ROR2: variants seen among roughly 807,000 people sequenced by gnomAD.
ROR2 encodes ROR family WNT receptor 2, also known as tyrosine-protein kinase transmembrane receptor ROR2.
ROR2 carries 33 observed loss-of-function variants against 74.9 expected under a neutral mutation model. That is an observed-to-expected ratio of 0.44 (90% CI 0.33 to 0.59). The LOEUF is 0.59. Among genes scored for constraint, ROR2 ranks in the 20% least tolerant of loss-of-function variants. ROR2 has a pLI of 0.02. For missense variants in ROR2, 1,216 were observed against 1,313.8 expected (o/e 0.93, Z 1.15); for synonymous variants, 586 against 558.7 (o/e 1.05, Z -0.69).
chr9:91,778,712 C>CT (rs1356144169), intron 1 of ROR2, among the ~76,000 whole-genome samples: 4 of 152,116 alleles, frequency 2.6e-5, no homozygotes, highest in Non-Finnish European at 5.9e-5. Flanking sequence ...TAAGTGTGCC[C>CT]TACATGACCA....
At chr9:91,738,894 T>C (rs1825126336) in intron 4 of ROR2, among the ~76,000 whole-genome samples, 1 of 152,220 alleles carries the variant, frequency 6.6e-6, no homozygotes, top group African/African-American at 2.4e-5. Context: ...GAGTTTGTGC[T>C]GAATTATTTT....
intron 1 of ROR2, among the ~76,000 whole-genome samples, chr9:91,862,844 G>T (rs1829511738): frequency 6.6e-6 from 1 of 152,188 alleles, no homozygotes; most frequent in Non-Finnish European, 1.5e-5. Flanking sequence ...TTTTGTTATG[G>T]CAGCCCAAGC....
chr9:91,924,849 TTG>T (rs1831356506), intron 1 of ROR2, among the ~76,000 whole-genome samples: 1 of 152,140 alleles, frequency 6.6e-6, no homozygotes, highest in African/African-American at 2.4e-5. Flanking sequence ...TTTGTTTTGT[TTG>T]TGTGTTTGTT....
chr9:91,784,317 TG>T (rs2118974254), intron 1 of ROR2, among the ~76,000 whole-genome samples: 1 of 152,302 alleles, frequency 6.6e-6, no homozygotes, highest in African/African-American at 2.4e-5. Context: ...TAACATGCTG[TG>T]GGCGACTGCA....
rs1012137867 is a variant in ROR2, at chr9:91,755,531, C to T, written c.494+540G>A. Reference sequence around the variant, plus strand: ...CAGCCTGGCCACAGTGGAATAACCTCGTACTGGGAAACCAGAGGCCTGAGT... The same window carrying T: ...CAGCCTGGCCACAGTGGAATAACCTTGTACTGGGAAACCAGAGGCCTGAGT... On this transcript the variant is annotated intron_variant, in intron 4 of 8. Transcript: ENST00000375708. Among the ~76,000 whole-genome samples, 24 of 152,238 alleles carry T rather than the reference C, an allele frequency of 1.6e-4. 1 individual carries two copies. Among genetic ancestry groups the T allele is most frequent in the Admixed American group, 6.5e-4 (10 of 15,288 alleles).
intron 1 of ROR2, among the ~76,000 whole-genome samples, chr9:91,867,088 G>A (rs1223667158): frequency 6.6e-6 from 1 of 152,190 alleles, no homozygotes; most frequent in East Asian, 1.9e-4. Context: ...TATAAAACCT[G>A]GAACGAATAG....
Position 91,724,535 on chromosome 9 carries a change from C to T in ROR2, c.1959G>A (p.Leu653=), listed in dbSNP as rs144549032. The change falls in exon 9 of 9, where the codon CTG becomes CTA. Residue 653 remains leucine (L), a synonymous_variant. Transcript: ENST00000375708. ...ADYYKLLGNS[L]LPIRWMAPEA... is the part of the protein sequence containing the mutation. ...CTGGGGCCATCCAGCGGATAGGCAGCAGCGAGTTCCCCAGCAGCTTGTAGT... is the reference window on the plus strand; with the variant it reads ...CTGGGGCCATCCAGCGGATAGGCAGTAGCGAGTTCCCCAGCAGCTTGTAGT... The T allele has an allele frequency of 2.3e-4, 371 of 1,614,222 alleles. No homozygotes were observed. Among genetic ancestry groups the T allele is most frequent in the Middle Eastern group, 2.0e-3 (12 of 6,062 alleles).
chr9:91,816,719 G>C (rs928503557), intron 1 of ROR2, among the ~76,000 whole-genome samples: 1 of 80,856 alleles, frequency 1.2e-5, no homozygotes, highest in African/African-American at 5.0e-5. Flanking sequence ...ACACACTCTA[G>C]AATTGCCTGG....
chr9:91,741,633 A>G (rs1255731894), intron 4 of ROR2, among the ~76,000 whole-genome samples: 1 of 152,192 alleles, frequency 6.6e-6, no homozygotes, highest in African/African-American at 2.4e-5. Flanking sequence ...ATTTTCCCCT[A>G]ATTGTTTTGT....
rs570952260 is a variant in ROR2, at chr9:91,866,824, A to G, written c.97+83043T>C. The stretch of plus-strand genomic sequence containing the variant: ...GATACAGAATATTTCCATTTTCCCC[A>G]AAAGTTCTATGGGGCAGAACTGACA... On this transcript the variant is annotated intron_variant, in intron 1 of 8. Transcript: ENST00000375708. Among the ~76,000 whole-genome samples, 4 of 152,318 alleles carry G rather than the reference A, an allele frequency of 2.6e-5. No homozygotes were observed. The South Asian group carries it at 8.3e-4, about 32-fold the overall frequency.
intron 1 of ROR2, among the ~76,000 whole-genome samples, chr9:91,828,389 A>T (rs1459241168): frequency 6.6e-6 from 1 of 152,218 alleles, no homozygotes; most frequent in Non-Finnish European, 1.5e-5. Context: ...TTAATTCTAA[A>T]AGTTTTTAGT....
intron 1 of ROR2, among the ~76,000 whole-genome samples, chr9:91,904,819 G>GA (rs1178223816): frequency 1.3e-5 from 2 of 152,130 alleles, no homozygotes; most frequent in African/African-American, 4.8e-5. Context: ...TCCAAAAAGG[G>GA]AAAAAACAAA....
chr9:91,911,874 C>T (rs1830990495), intron 1 of ROR2, among the ~76,000 whole-genome samples: 1 of 136,448 alleles, frequency 7.3e-6, no homozygotes, highest in Non-Finnish European at 1.5e-5. Flanking sequence ...GTGCTTCCTG[C>T]TACAACACAA....
intron 1 of ROR2, among the ~76,000 whole-genome samples, chr9:91,799,131 T>C (rs543333242): frequency 3.9e-5 from 6 of 152,304 alleles, no homozygotes; most frequent in African/African-American, 1.2e-4. Context: ...TGGAGCCAAG[T>C]TGTGATGGAG....
chr9:91,755,850 T>C, intron 4 of ROR2: 1 of 615,874 alleles, frequency 1.6e-6, no homozygotes, highest in Non-Finnish European at 2.9e-6. Flanking sequence ...CAGAAAGAAA[T>C]TAACCATTTT....
rs375080866 is a variant in ROR2 at position 91,757,355 on chromosome 9, G to A, written c.380C>T (p.Thr127Met). ...GSRLRIQDLD[T>M]TDTGYYQCVA... ...GCACTGGTAGTAGCCAGTGTCTGTC[G>A]TGTCCAGGTCCTGGATTCGCAGTCG... is the stretch of plus-strand genomic sequence containing the variant. The change falls in exon 3 of 9, where the codon ACG becomes ATG. Residue 127 changes from threonine to methionine, a missense_variant. Transcript: ENST00000375708. 3.8e-5 allele frequency: 61 copies of A among 1,613,948 alleles called. No homozygotes were observed. The African/African-American group carries it at 4.7e-4, about 12-fold the overall frequency.
At chr9:91,755,132 G>C (rs1825704729) in intron 4 of ROR2, among the ~76,000 whole-genome samples, 1 of 151,966 alleles carries the variant, frequency 6.6e-6, no homozygotes. Flanking sequence ...TCCAGTCTGG[G>C]TGAAAAGCCA....
intron 1 of ROR2, among the ~76,000 whole-genome samples, chr9:91,885,318 C>A (rs6479378): frequency 5.3e-5 from 8 of 151,326 alleles, no homozygotes; most frequent in African/African-American, 1.7e-4. Flanking sequence ...GGTTGGGGGG[C>A]GGTAGGGCAG....
chr9:91,767,782 A>G (rs1346025234), intron 2 of ROR2, among the ~76,000 whole-genome samples: 1 of 152,242 alleles, frequency 6.6e-6, no homozygotes, highest in African/African-American at 2.4e-5. Flanking sequence ...GAAAACTAGA[A>G]GCATGGGGAC....
Sources: gnomAD v4.1 joint callset for allele counts (sites outside exome capture counted in the v4.1 genomes callset) on GRCh38, gnomAD v4.1.1 for gene constraint, MANE v1.5 for transcripts, NCBI Gene and HGNC (gene_info 2026-07-23, HGNC 2026-07-21) for gene names.